Variants in TPR observed in about 807,000 individuals in gnomAD.
TPR encodes the protein nucleoprotein TPR.
Under a neutral mutation model 316.1 loss-of-function variants are expected in TPR, and 51 were observed. The observed-to-expected ratio is 0.16, with a 90% confidence interval of 0.13 to 0.20. The LOEUF is 0.20. Ranked by LOEUF, TPR falls within the 10% of genes least tolerant of loss-of-function variation. The probability of loss-of-function intolerance (pLI) is 1.00; values close to 1 mark genes in which losing one functional copy is unlikely to be tolerated. For synonymous variants in TPR, 981 were observed against 914.7 expected (o/e 1.07, Z -1.31); for missense variants, 2,272 against 2,754.8 (o/e 0.82, Z 3.92).
Position 186,346,267 on chromosome 1 carries a change from C to G in TPR, c.2964G>C (p.Lys988Asn), listed in dbSNP as rs998663207. The change falls in exon 23 of 51, where the codon AAG becomes AAC. Residue 988 changes from lysine to asparagine, a missense_variant. By Grantham distance (94) the Lys-to-Asn change is moderately conservative. Transcript: ENST00000367478. ...KEKQVTEEVRKNIEVRLKESA... is the reference protein window; with the variant it reads ...KEKQVTEEVRNNIEVRLKESA... Reference sequence around the variant, plus strand: ...ACTCTTTTAAACGAACTTCAATATTCTTACGCACTTCTTCTGTCACCTTTA... The same window carrying G: ...ACTCTTTTAAACGAACTTCAATATTGTTACGCACTTCTTCTGTCACCTTTA... 6.2e-7 allele frequency: 1 copy of G among 1,612,714 alleles called. No individual in the cohort carries two copies. The highest frequency in any genetic ancestry group is 1.1e-5 in the South Asian group (1 of 90,992).
At chr1:186,317,242 T>C (rs1223766921) in intron 49 of TPR, among the ~76,000 whole-genome samples, 1 of 152,174 alleles carries the variant, frequency 6.6e-6, no homozygotes, top group Admixed American at 6.5e-5. Context: ...GAAACATGAG[T>C]GAGCTATTCT....
chr1:186,375,088 G>A lies in TPR; in HGVS notation c.-60C>T, dbSNP rs1412147638. 5.0e-6 allele frequency: 8 copies of A among 1,605,888 alleles called. No homozygotes were observed. The highest frequency in any genetic ancestry group is 5.9e-6 in the Non-Finnish European group (7 of 1,176,766). On this transcript the variant is annotated 5_prime_UTR_variant, in exon 1 of 51. Transcript: ENST00000367478. ...GACGGGGTAGAAGCGGAGAAGAAAG[G>A]CGAAGACCAGCAGGACCCAGACGCC...
intron 48 of TPR, 45 bp from the exon 49 acceptor site, chr1:186,317,645 C>T: frequency 6.5e-7 from 1 of 1,546,134 alleles, no homozygotes; most frequent in Non-Finnish European, 8.9e-7. Context: ...ATCCTACAGT[C>T]AATCATAAAT....
rs368966456 is a variant in TPR, at chr1:186,335,574, A to G, written c.4706-31T>C. 5.3e-6 allele frequency: 8 copies of G among 1,515,118 alleles called. No individual in the cohort carries two copies. In the African/African-American group the frequency reaches 9.8e-5, roughly 19 times the overall value. 93.9% of individuals were successfully genotyped at this position (1,515,118 alleles called of 1,614,324 possible). ...GAAGTAACCAGGCGATTATATTAAT[A>G]TTATAATCAAACATTTAAAACAGCA... On this transcript the variant is annotated intron_variant, in intron 33 of 50. Coordinates refer to ENST00000367478, the MANE Select transcript of TPR (RefSeq NM_003292.3).
chr1:186,346,761 CAT>C (rs1445896025), intron 22 of TPR, among the ~76,000 whole-genome samples: 21 of 152,012 alleles, frequency 1.4e-4, no homozygotes, highest in African/African-American at 4.8e-4. Context: ...CTGATTATGA[CAT>C]GTTAAAAAAA....
In TPR at chr1:186,312,497, G is replaced by A; in HGVS notation, c.*1474C>T. On this transcript the variant is annotated 3_prime_UTR_variant, in exon 51 of 51. Coordinates refer to ENST00000367478, the MANE Select transcript of TPR (RefSeq NM_003292.3). ...GCCCTAATAATTTAAGCTTACTGATGAAAAACTCATCCACTTGCCTTAGTG... is the reference window on the plus strand; with the variant it reads ...GCCCTAATAATTTAAGCTTACTGATAAAAAACTCATCCACTTGCCTTAGTG... 1 of 1,011,054 alleles carries A rather than the reference G, an allele frequency of 9.9e-7. No individual in the cohort carries two copies. Among genetic ancestry groups the A allele is most frequent in the Non-Finnish European group, 1.4e-6 (1 of 697,438 alleles). The allele number at this position is 1,011,054 out of a possible 1,614,324, so 62.6% of individuals were successfully genotyped here. A position where few individuals can be genotyped will look rare whatever the true frequency, so the allele number is the denominator to read the frequency against.
intron 15 of TPR, 41 bp downstream of exon 15, chr1:186,356,245 A>G (rs904546076): frequency 2.0e-6 from 3 of 1,517,252 alleles, no homozygotes; most frequent in Non-Finnish European, 2.7e-6. Context: ...CTTAATATAC[A>G]TTTCTAAATT....
intron 27 of TPR, 27 bp from the exon 28 acceptor site, chr1:186,341,416 C>T (rs752181984): frequency 6.2e-6 from 10 of 1,602,694 alleles, no homozygotes; most frequent in Admixed American, 5.1e-5. Context: ...AATATACATA[C>T]CAACATCTAA....
rs185358373 is a variant in TPR at position 186,353,257 on chromosome 1, A to G, written c.2334+431T>C. On this transcript the variant is annotated intron_variant, in intron 18 of 50. Coordinates refer to ENST00000367478, the MANE Select transcript of TPR (RefSeq NM_003292.3). Reference sequence around the variant, plus strand: ...TGTGGTGGCGGGCACCTGTAGTCCCAGCTACTCAGGAGGTTGAGGCAGGAG... The same window carrying G: ...TGTGGTGGCGGGCACCTGTAGTCCCGGCTACTCAGGAGGTTGAGGCAGGAG... 6.0e-3 allele frequency among the ~76,000 whole-genome samples: 918 copies of G among 152,122 alleles called. 13 individuals are homozygous for G. Among genetic ancestry groups the G allele is most frequent in the African/African-American group, 0.021 (888 of 41,470 alleles).
chr1:186,359,694 GTA>G (rs1571632650), intron 12 of TPR, 103 bp downstream of exon 12: 6 of 1,135,912 alleles, frequency 5.3e-6, no homozygotes, highest in Non-Finnish European at 7.3e-6. Flanking sequence ...ATTGAAAATC[GTA>G]TTTAGATTTT....
intron 10 of TPR, 52 bp downstream of exon 10, chr1:186,360,713 T>C (rs1659159740): frequency 1.0e-5 from 16 of 1,601,370 alleles, no homozygotes; most frequent in Non-Finnish European, 1.3e-5. Context: ...ATGACTTTTA[T>C]GTAGGAAAGC....
chr1:186,338,014 A>G lies in TPR; in HGVS notation c.4362+19T>C, dbSNP rs749871805. 7 of 1,543,428 alleles carry G rather than the reference A, an allele frequency of 4.5e-6. No homozygotes were observed. The highest frequency in any genetic ancestry group is 6.1e-6 in the Non-Finnish European group (7 of 1,153,178). ...ATTCATCCTAGTTTTTTTTTGTAAG[A>G]TAAGTTTCTTCAAAATACCTTATCC... On this transcript the variant is annotated intron_variant, in intron 31 of 50. Coordinates refer to ENST00000367478, the MANE Select transcript of TPR (RefSeq NM_003292.3).
chr1:186,375,168 A>G lies in TPR; in HGVS notation c.-140T>C, dbSNP rs1205764373. 6.5e-6 allele frequency: 10 copies of G among 1,541,720 alleles called. No homozygotes were observed. Among genetic ancestry groups the G allele is most frequent in the African/African-American group, 1.4e-5 (1 of 72,592 alleles). ...TGGCTCGCGCGCGCCCGCCCGCCGG[A>G]GACTCCCGCGGCGGGACCCTGGGAA... On this transcript the variant is annotated 5_prime_UTR_variant, in exon 1 of 51. Transcript: ENST00000367478.
chr1:186,317,508 T>C lies in TPR; in HGVS notation c.6914A>G (p.Gln2305Arg). ...SDESDLPSTS[Q>R]DPPSSSSVDT... ...TACAGATGAGCTAGAAGGAGGATCC[T>C]GGCTGGTGGAGGGGAGATCTGACTC... is the stretch of plus-strand genomic sequence containing the variant. The change falls in exon 49 of 51, where the codon CAG (glutamine) becomes CGG (arginine). Residue 2305 changes from glutamine to arginine, a missense_variant. Physicochemically the swap from Gln to Arg is conservative, Grantham distance 43. This residue lies in a region of TPR where 123 missense variants were observed against 142.3 expected (regional missense o/e 0.86). Transcript: ENST00000367478. 6.2e-7 allele frequency: 1 copy of C among 1,614,158 alleles called. No homozygotes were observed. The highest frequency in any genetic ancestry group is 8.5e-7 in the Non-Finnish European group (1 of 1,180,022).
chr1:186,318,793 G>A lies in TPR; in HGVS notation c.6604C>T (p.His2202Tyr). Reference protein sequence around the residue: ...GMYETPLFLAHEEESGGRSVP... With the variant: ...GMYETPLFLAYEEESGGRSVP... The stretch of plus-strand genomic sequence containing the variant: ...CTTCGGCCACCTGACTCTTCTTCAT[G>A]AGCTAGGAACAGGGGTGTTTCATAC... The change falls in exon 47 of 51, where the codon CAT becomes TAT. Residue 2202 changes from histidine to tyrosine, a missense_variant. Physicochemically the swap from His to Tyr is moderately conservative, Grantham distance 83 (BLOSUM62 2). Coordinates refer to ENST00000367478, the MANE Select transcript of TPR (RefSeq NM_003292.3). 7 of 1,614,096 alleles carry A rather than the reference G, an allele frequency of 4.3e-6. No individual in the cohort carries two copies. The highest frequency in any genetic ancestry group is 5.9e-6 in the Non-Finnish European group (7 of 1,180,024).
chr1:186,350,037 A>G (rs978973588), intron 21 of TPR, among the ~76,000 whole-genome samples, 186 bp downstream of exon 21: 14 of 152,254 alleles, frequency 9.2e-5, no homozygotes, highest in Non-Finnish European at 1.8e-4. Flanking sequence ...CTTTTAAGAC[A>G]GCAAATTTAC....
At chr1:186,355,338 T>G in intron 17 of TPR, 72 bp downstream of exon 17, 1 of 1,511,144 alleles carries the variant, frequency 6.6e-7, no homozygotes, top group Non-Finnish European at 9.0e-7. Context: ...AAATTAGCTC[T>G]TGAATTTAAA....
intron 39 of TPR, among the ~76,000 whole-genome samples, chr1:186,329,488 A>G (rs1288633278): frequency 3.9e-5 from 6 of 152,178 alleles, no homozygotes; most frequent in Non-Finnish European, 7.4e-5. Flanking sequence ...AGGTGTATAC[A>G]CACAGCCTGA....
At chr1:186,355,259 T>C (rs566270287) in intron 17 of TPR, 151 bp downstream of exon 17, 3 of 817,552 alleles carry the variant, frequency 3.7e-6, no homozygotes, top group South Asian at 3.4e-5. Context: ...CATTAATCAA[T>C]ATGAAAAAAA....
Sources: gnomAD v4.1 joint callset for allele counts (sites outside exome capture counted in the v4.1 genomes callset) on GRCh38, gnomAD v4.1.1 for gene constraint, gnomAD v4.1.1 regional missense constraint, MANE v1.5 for transcripts, NCBI Gene and HGNC (gene_info 2026-07-23, HGNC 2026-07-21) for gene names.